Variants in TUT7 observed in about 807,000 individuals in gnomAD.
TUT7 encodes the protein terminal uridylyl transferase 7.
Under a neutral mutation model 165.9 loss-of-function variants are expected in TUT7, and 33 were observed. The observed-to-expected ratio is 0.20, with a 90% confidence interval of 0.15 to 0.27. The LOEUF (loss-of-function observed/expected upper bound fraction) is 0.27, where lower values mean the gene tolerates loss of function less well. Ranked by LOEUF, TUT7 falls within the 10% of genes least tolerant of loss-of-function variation. TUT7 has a pLI of 1.00. For synonymous variants in TUT7, 552 were observed against 608.1 expected, an observed-to-expected ratio of 0.91 and a Z score of 1.36; for missense variants, 1,338 against 1,762.3, an observed-to-expected ratio of 0.76 and a Z score of 4.31.
At chr9:86,339,031 CAACT>C in intron 8 of TUT7, 82 bp from the exon 9 acceptor site, 4 of 1,258,924 alleles carry the variant, frequency 3.2e-6, no homozygotes, top group Non-Finnish European at 4.1e-6. Context: ...TTTATGCCAA[CAACT>C]AATATACATG....
Position 86,323,949 on chromosome 9 carries a change from C to A in TUT7, c.1801G>T (p.Val601Phe). 1 of 1,582,260 alleles carries A rather than the reference C, an allele frequency of 6.3e-7. No homozygotes were observed. The highest frequency in any genetic ancestry group is 1.1e-5 in the South Asian group (1 of 87,316). ...AGGGTTCTTGCCACATTTCTTTTAA[C>A]AGAGTAGGGATCTGTAATAAAAAAA... is the stretch of plus-strand genomic sequence containing the variant. Reference protein sequence around the residue: ...KRIAIEDPYSVKRNVARTLNS... With the variant: ...KRIAIEDPYSFKRNVARTLNS... The change falls in exon 13 of 27, where the codon GTT becomes TTT. Residue 601 changes from valine to phenylalanine, a missense_variant. Val to Phe is a conservative substitution (Grantham distance 50, BLOSUM62 -1). Transcript: ENST00000375963.
intron 26 of TUT7, 150 bp downstream of exon 26, chr9:86,301,126 G>T (rs1331785244): frequency 2.8e-6 from 2 of 711,112 alleles, no homozygotes; most frequent in African/African-American, 1.8e-5. Context: ...TAAAGGAGGG[G>T]GAAGGGATTT....
chr9:86,293,553 A>G (rs1436830151), intron 26 of TUT7, among the ~76,000 whole-genome samples: 1 of 152,222 alleles, frequency 6.6e-6, no homozygotes. Context: ...ATGAAAAAAG[A>G]CTATCCCAAT....
At chr9:86,295,607 T>C (rs1826242654) in intron 26 of TUT7, among the ~76,000 whole-genome samples, 1 of 152,170 alleles carries the variant, frequency 6.6e-6, no homozygotes, top group South Asian at 2.1e-4. Flanking sequence ...TCACTGACAA[T>C]GAGCTCTCCC....
At chr9:86,303,702 G>C (rs1385398777) in intron 24 of TUT7, among the ~76,000 whole-genome samples, 1 of 152,216 alleles carries the variant, frequency 6.6e-6, no homozygotes, top group African/African-American at 2.4e-5. Flanking sequence ...CTAGCCTGTA[G>C]CCTCTTTGTA....
intron 5 of TUT7, among the ~76,000 whole-genome samples, chr9:86,343,623 A>T (rs1361096240): frequency 6.6e-6 from 1 of 152,234 alleles, no homozygotes; most frequent in African/African-American, 2.4e-5. Flanking sequence ...GTAATTTACT[A>T]TAAGGAGGTT....
At chr9:86,289,751 T>C (rs1825776440) in intron 26 of TUT7, among the ~76,000 whole-genome samples, 1 of 151,974 alleles carries the variant, frequency 6.6e-6, no homozygotes, top group South Asian at 2.1e-4. Flanking sequence ...TCAGGGGTAA[T>C]CAATGAAATG....
chr9:86,344,864 A>G (rs147580896), intron 5 of TUT7, 113 bp downstream of exon 5: 377 of 1,070,560 alleles, frequency 3.5e-4, no homozygotes, highest in Middle Eastern at 2.5e-3. Context: ...TAGAAAACAC[A>G]AGAGCTTCAT....
chr9:86,344,829 C>T lies in TUT7; in HGVS notation c.997+148G>A, dbSNP rs572920680. The T allele has an allele frequency of 2.4e-5, 17 of 708,402 alleles. No individual in the cohort carries two copies. The South Asian group carries it at 3.2e-4, about 13-fold the overall frequency. The allele number at this position is 708,402 out of a possible 1,614,324, so 43.9% of individuals were successfully genotyped here. On this transcript the variant is annotated intron_variant, in intron 5 of 26. Coordinates refer to ENST00000375963, the MANE Select transcript of TUT7 (RefSeq NM_024617.4). ...AAAGTCCTTGTTACCTTAGGGAAAG[C>T]CAGGGAAAACAAAAAACAAAAAAAT...
rs1395971933 is a variant in TUT7, at chr9:86,345,116, T to C, written c.858A>G (p.Pro286=). The part of the protein sequence containing the change: ...QEEELLTTLP[P]PTPSQINAVG... Reference sequence around the variant, plus strand: ...CTGCATTTATCTGGGAGGGTGTTGGTGGGGGTAACGTAGTGAGCAACTCTT... The same window carrying C: ...CTGCATTTATCTGGGAGGGTGTTGGCGGGGGTAACGTAGTGAGCAACTCTT... Residue 286 remains proline (P), a synonymous_variant, in exon 5 of 27, where the codon CCA becomes CCG. Coordinates refer to ENST00000375963, the MANE Select transcript of TUT7 (RefSeq NM_024617.4). The C allele has an allele frequency of 1.4e-5, 23 of 1,613,450 alleles. No individual in the cohort carries two copies. Among genetic ancestry groups the C allele is most frequent in the Admixed American group, 6.7e-5 (4 of 59,912 alleles).
In TUT7 at chr9:86,319,648, T is replaced by C. The variant is rs1272322254; in HGVS notation, c.3051A>G (p.Ile1017Met). 6.2e-7 allele frequency: 1 copy of C among 1,608,380 alleles called. No homozygotes were observed. The highest frequency in any genetic ancestry group is 1.1e-5 in the South Asian group (1 of 89,216). ...QCYKDFSPTIIEDQAREHIRQ... is the reference protein window; with the variant it reads ...QCYKDFSPTIMEDQAREHIRQ... ...GAATATGTTCACGAGCCTGATCTTC[T>C]ATAATTGTTGGAGAAAAATCCTCTG... is the stretch of plus-strand genomic sequence containing the variant. Residue 1017 changes from isoleucine (I) to methionine (M), a missense_variant, in exon 15 of 27, where the codon ATA becomes ATG. Physicochemically the swap from Ile to Met is conservative, Grantham distance 10. Transcript: ENST00000375963.
intron 26 of TUT7, among the ~76,000 whole-genome samples, chr9:86,290,460 T>C (rs1825813387): frequency 6.6e-6 from 1 of 152,162 alleles, no homozygotes. Context: ...AAGTACTCTA[T>C]TGTTCTACCA....
rs879368073 is a variant in TUT7 at position 86,325,604 on chromosome 9, A to G, written c.1609-90T>C. On this transcript the variant is annotated intron_variant, in intron 11 of 26. Coordinates refer to ENST00000375963, the MANE Select transcript of TUT7 (RefSeq NM_024617.4). Reference sequence around the variant, plus strand: ...ATCATTTAAGCATCAAATTAAAAAAATCTGGAAAACCTTAACAAAGATATA... The same window carrying G: ...ATCATTTAAGCATCAAATTAAAAAAGTCTGGAAAACCTTAACAAAGATATA... 63 of 1,253,216 alleles carry G rather than the reference A, an allele frequency of 5.0e-5. 1 individual carries two copies. In the Middle Eastern group the frequency reaches 5.8e-4, roughly 12 times the overall value. The allele number at this position is 1,253,216 out of a possible 1,614,324, so 77.6% of individuals were successfully genotyped here.
At chr9:86,339,960 A>G in intron 8 of TUT7, 76 bp downstream of exon 8, 1 of 1,061,066 alleles carries the variant, frequency 9.4e-7, no homozygotes, top group Non-Finnish European at 1.5e-6. Flanking sequence ...TAGAAATTGG[A>G]CATTAAGATG....
chr9:86,301,257 G>C lies in TUT7; in HGVS notation c.4420+19C>G, dbSNP rs751786432. The C allele has an allele frequency of 8.1e-6, 13 of 1,599,418 alleles. No individual in the cohort carries two copies. The South Asian group carries it at 1.5e-4, about 18-fold the overall frequency. ...TTGAGATGTTAGAGCAAACATCAAGGTGTGATAGGTGTCCATACCTGAAGA... is the reference window on the plus strand; with the variant it reads ...TTGAGATGTTAGAGCAAACATCAAGCTGTGATAGGTGTCCATACCTGAAGA... On this transcript the variant is annotated intron_variant, in intron 26 of 26. Transcript: ENST00000375963.
chr9:86,288,669 T>C lies in TUT7; in HGVS notation c.*8A>G. ...AGTGGCCATTTAGAGTGCTGCATTT[T>C]CCTTCCCTCATGATTCCTGCTGGGT... is the stretch of plus-strand genomic sequence containing the variant. On this transcript the variant is annotated 3_prime_UTR_variant, in exon 27 of 27. Coordinates refer to ENST00000375963, the MANE Select transcript of TUT7 (RefSeq NM_024617.4). 6.2e-7 allele frequency: 1 copy of C among 1,613,314 alleles called. No homozygotes were observed. The highest frequency in any genetic ancestry group is 8.5e-7 in the Non-Finnish European group (1 of 1,179,368).
chr9:86,318,906 T>C (rs775665387), intron 16 of TUT7, 52 bp downstream of exon 16: 22 of 1,427,766 alleles, frequency 1.5e-5, no homozygotes, highest in African/African-American at 7.0e-5. Flanking sequence ...CCAGTCTAGA[T>C]TGGTTAAATC....
intron 26 of TUT7, among the ~76,000 whole-genome samples, chr9:86,291,020 C>T (rs916159815): frequency 1.3e-5 from 2 of 151,978 alleles, no homozygotes; most frequent in African/African-American, 4.8e-5. Flanking sequence ...TTAAAGATGA[C>T]CCTAAATTAT....
rs1215753903 is a variant in TUT7, at chr9:86,322,615, G to C, written c.2878-140C>G. 3 of 1,100,854 alleles carry C rather than the reference G, an allele frequency of 2.7e-6. No homozygotes were observed. The East Asian group carries it at 7.7e-5, about 28-fold the overall frequency. 68.2% of individuals were successfully genotyped at this position (1,100,854 alleles called of 1,614,324 possible). Reference sequence around the variant, plus strand: ...AAATATAACATGCATCCACTCAAATGATCTGAGAGATGGGGACATCCTATA... The same window carrying C: ...AAATATAACATGCATCCACTCAAATCATCTGAGAGATGGGGACATCCTATA... On this transcript the variant is annotated intron_variant, in intron 13 of 26. Coordinates refer to ENST00000375963, the MANE Select transcript of TUT7 (RefSeq NM_024617.4).
Sources: gnomAD v4.1 joint callset for allele counts (sites outside exome capture counted in the v4.1 genomes callset) on GRCh38, gnomAD v4.1.1 for gene constraint, MANE v1.5 for transcripts, NCBI Gene and HGNC (gene_info 2026-07-23, HGNC 2026-07-21) for gene names.